EPM2A: variants seen among roughly 807,000 people sequenced by gnomAD.
The protein encoded by EPM2A is EPM2A glucan phosphatase, laforin, also known as laforin.
Under a neutral mutation model 26.5 loss-of-function variants are expected in EPM2A, and 21 were observed. The ratio of observed to expected loss-of-function variants is 0.79; its 90% CI spans 0.56 to 1.14. The LOEUF (loss-of-function observed/expected upper bound fraction) is 1.14. Among genes scored for constraint, EPM2A ranks in the 50% most tolerant of loss-of-function variants. EPM2A has a pLI of 0.00. For synonymous variants in EPM2A, 217 were observed against 177.6 expected (o/e 1.22, Z -1.76); for missense variants, 458 against 440.8 (o/e 1.04, Z -0.35).
At chr6:145,685,581 TG>T (rs1780846084) in intron 2 of EPM2A, among the ~76,000 whole-genome samples, 1 of 151,972 alleles carries the variant, frequency 6.6e-6, no homozygotes, top group Non-Finnish European at 1.5e-5. Flanking sequence ...TTCTGATGAG[TG>T]GGAAAGGAGA....
chr6:145,459,310 T>G (rs768209805), intron 4 of EPM2A, among the ~76,000 whole-genome samples: 1 of 152,202 alleles, frequency 6.6e-6, no homozygotes, highest in Non-Finnish European at 1.5e-5. Flanking sequence ...GACAAAAATC[T>G]GGATAAGGTG....
intron 3 of EPM2A, chr6:145,634,940 T>C: frequency 3.2e-6 from 1 of 308,622 alleles, no homozygotes; most frequent in Non-Finnish European, 6.2e-6. Context: ...TATAGGACAA[T>C]GCGCTCCGTG....
intron 2 of EPM2A, among the ~76,000 whole-genome samples, chr6:145,567,877 G>T (rs6918739): frequency 0.067 from 10,199 of 152,164 alleles, 1,143 homozygotes; most frequent in African/African-American, 0.23. Flanking sequence ...AGAATAAGAT[G>T]GTCAGCAGAG....
chr6:145,559,763 C>T (rs1562382270), intron 2 of EPM2A, among the ~76,000 whole-genome samples: 1 of 149,676 alleles, frequency 6.7e-6, no homozygotes, highest in East Asian at 2.0e-4. Context: ...TTGTAAGATG[C>T]TAATTCCTAC....
At chr6:145,455,415 T>C (rs1057505413) in intron 4 of EPM2A, among the ~76,000 whole-genome samples, 2 of 152,202 alleles carry the variant, frequency 1.3e-5, no homozygotes, top group Admixed American at 1.3e-4. Context: ...TAGAGTACAG[T>C]GGCGGGATCT....
downstream of EPM2A, among the ~76,000 whole-genome samples, chr6:145,496,734 T>TTTG (rs745400581): frequency 8.1e-6 from 1 of 122,734 alleles, no homozygotes. Flanking sequence ...TGCAATTTTT[T>TTTG]TTTTTTTTTT....
intron 4 of EPM2A, among the ~76,000 whole-genome samples, chr6:145,477,512 A>T (rs1339483733): frequency 6.6e-6 from 1 of 151,898 alleles, no homozygotes; most frequent in African/African-American, 2.4e-5. Context: ...TATCTCTGAT[A>T]TTGATGCAAA....
intron 1 of EPM2A, among the ~76,000 whole-genome samples, chr6:145,727,137 C>T (rs1193282348): frequency 3.9e-5 from 6 of 152,024 alleles, no homozygotes; most frequent in Admixed American, 2.6e-4. Context: ...AAGAAGTAGT[C>T]AAATACTATC....
chr6:145,578,648 A>C (rs1781069639), intron 2 of EPM2A, among the ~76,000 whole-genome samples: 1 of 152,184 alleles, frequency 6.6e-6, no homozygotes, highest in Admixed American at 6.5e-5. Context: ...TATTCCAAAA[A>C]ATTTAGCAGG....
intron 4 of EPM2A, among the ~76,000 whole-genome samples, chr6:145,466,270 T>C (rs1181174837): frequency 2.7e-5 from 4 of 149,696 alleles, no homozygotes; most frequent in African/African-American, 9.8e-5. Flanking sequence ...ATCCAGAATC[T>C]ACAATGAACT....
chr6:145,440,848 C>A (rs1582757329), intron 4 of EPM2A, among the ~76,000 whole-genome samples: 2 of 152,162 alleles, frequency 1.3e-5, no homozygotes, highest in African/African-American at 2.4e-5. Context: ...AGGGGACAGC[C>A]CTTCTGGTTG....
At chr6:145,704,581 C>T (rs1328374831) in intron 1 of EPM2A, among the ~76,000 whole-genome samples, 1 of 152,188 alleles carries the variant, frequency 6.6e-6, no homozygotes, top group East Asian at 1.9e-4. Context: ...AATGACCTGA[C>T]AGTCCTATAC....
chr6:145,554,419 A>AGAC (rs1780695222), intron 2 of EPM2A, among the ~76,000 whole-genome samples: 1 of 140,468 alleles, frequency 7.1e-6, no homozygotes, highest in African/African-American at 2.6e-5. Context: ...AGAGATAGAT[A>AGAC]GATGATAGAT....
At chr6:145,491,221 A>G in intron 4 of EPM2A, 1 of 409,732 alleles carries the variant, frequency 2.4e-6, no homozygotes, top group Non-Finnish European at 4.7e-6. Flanking sequence ...CATGGGTAGG[A>G]ACTGGTGTGC....
chr6:145,677,178 A>G (rs1412677047), intron 2 of EPM2A, among the ~76,000 whole-genome samples: 1 of 152,234 alleles, frequency 6.6e-6, no homozygotes, highest in Admixed American at 6.5e-5. Context: ...ACCAATGAAA[A>G]AAACCACATG....
intron 2 of EPM2A, among the ~76,000 whole-genome samples, chr6:145,602,545 G>T (rs1781429335): frequency 6.6e-6 from 1 of 152,140 alleles, no homozygotes; most frequent in African/African-American, 2.4e-5. Context: ...CTGCAGCTTT[G>T]TGTCATAATG....
intron 3 of EPM2A, 37 bp downstream of exon 3, chr6:145,635,208 A>C: frequency 6.2e-7 from 1 of 1,613,654 alleles, no homozygotes; most frequent in Non-Finnish European, 8.5e-7. Context: ...GGTTTCTCTG[A>C]AATACAGCAA....
chr6:145,435,499 AATC>A (rs1582752941), intron 4 of EPM2A, among the ~76,000 whole-genome samples: 2 of 150,792 alleles, frequency 1.3e-5, no homozygotes, highest in Non-Finnish European at 3.0e-5. Context: ...AAATTTTAAT[AATC>A]AAGAAATAAT....
chr6:145,572,364 G>A (rs1315560498), intron 2 of EPM2A, among the ~76,000 whole-genome samples: 1 of 152,160 alleles, frequency 6.6e-6, no homozygotes, highest in East Asian at 1.9e-4. Context: ...GAGACCATGG[G>A]CATTTGAGCC....
Sources: allele counts gnomAD v4.1 joint callset (sites outside exome capture counted in the v4.1 genomes callset), GRCh38; gene constraint gnomAD v4.1.1; transcripts MANE v1.5; gene names NCBI Gene and HGNC (gene_info 2026-07-23, HGNC 2026-07-21).